CASKIN2: variants seen among roughly 807,000 people sequenced by gnomAD.
CASKIN2 encodes caskin-2.
Under a neutral mutation model 107.1 loss-of-function variants are expected in CASKIN2, and 41 were observed. The observed-to-expected ratio is 0.38, with a 90% CI of 0.30 to 0.50. The LOEUF (loss-of-function observed/expected upper bound fraction) is 0.50. Among genes scored for constraint, CASKIN2 ranks in the 20% least tolerant of loss-of-function variants. The pLI, the probability that CASKIN2 is intolerant of heterozygous loss-of-function variation, is 0.92. For synonymous variants in CASKIN2, 724 were observed against 705.6 expected, an observed-to-expected ratio of 1.03 and a Z score of -0.41; for missense variants, 1,546 against 1,657.4, an observed-to-expected ratio of 0.93 and a Z score of 1.17.
chr17:75,502,751 G>A lies in CASKIN2; in HGVS notation c.2323C>T (p.Pro775Ser). 2 of 1,594,626 alleles carry A rather than the reference G, an allele frequency of 1.3e-6. No homozygotes were observed. Among genetic ancestry groups the A allele is most frequent in the South Asian group, 1.1e-5 (1 of 89,326 alleles). Residue 775 changes from proline (P) to serine (S), a missense_variant, in exon 18 of 20, where the codon CCC becomes TCC. Physicochemically the swap from Pro to Ser is moderately conservative, Grantham distance 74. This residue lies in a region of CASKIN2 where 1,311 missense variants were observed against 1,311.0 expected (regional missense o/e 1.00). Transcript: ENST00000321617. This position sits in a 1 kb window ranked among gnomAD's most constrained non-coding sequence, Gnocchi z 4.3. ...SPAPGPPPGA[P>S]WAFSYLAGPP... ...CCGGCCAAGTAGGAGAAGGCCCAGG[G>A]TGCGCCAGGAGGTGGCCCTGGGGCC... is the stretch of plus-strand genomic sequence containing the variant.
In CASKIN2 at chr17:75,505,113, C is replaced by T. The variant is rs1225019917; in HGVS notation, c.931-40G>A. 1 of 1,599,670 alleles carries T rather than the reference C, an allele frequency of 6.3e-7. No homozygotes were observed. Among genetic ancestry groups the T allele is most frequent in the Non-Finnish European group, 8.5e-7 (1 of 1,175,736 alleles). ...GGGGGGCGGGGACGGTCACTCCCAG[C>T]ACCAGGCAAGTGGCAAACGGTTGTC... On this transcript the variant is annotated intron_variant, in intron 10 of 19. Transcript: ENST00000321617. The surrounding 1 kb of genome is among the most constrained non-coding windows in gnomAD (Gnocchi z 5.1).
rs752592034 is a variant in CASKIN2 at position 75,502,428 on chromosome 17, G to C, written c.2646C>G (p.Pro882=). 4.8e-6 allele frequency: 7 copies of C among 1,454,930 alleles called. No homozygotes were observed. In the East Asian group the frequency reaches 1.7e-4, roughly 36 times the overall value. 90.1% of individuals were successfully genotyped at this position (1,454,930 alleles called of 1,614,324 possible). ...CATCTAGTGGAGGTGGCTCCGGGCTGGGGCCAGAGACGGAGCTGAGGCGCT... is the reference window on the plus strand; with the variant it reads ...CATCTAGTGGAGGTGGCTCCGGGCTCGGGCCAGAGACGGAGCTGAGGCGCT... The part of the protein sequence containing the change: ...PPKRLSSVSG[P]SPEPPPLDES... The change falls in exon 18 of 20, where the codon CCC becomes CCG. Residue 882 remains proline (P), a synonymous_variant. Coordinates refer to ENST00000321617, the MANE Select transcript of CASKIN2 (RefSeq NM_020753.5). The surrounding 1 kb of genome is among the most constrained non-coding windows in gnomAD (Gnocchi z 4.3).
rs199526332 is a variant in CASKIN2 at position 75,502,696 on chromosome 17, C to T, written c.2378G>A (p.Arg793Gln). 118 of 1,580,098 alleles carry T rather than the reference C, an allele frequency of 7.5e-5. No individual in the cohort carries two copies. Among genetic ancestry groups the T allele is most frequent in the Non-Finnish European group, 9.2e-5 (107 of 1,165,516 alleles). ...TAGGCTGTGGGACCGGCGCTTAGGT[C>T]GAGGCGGGTCTGGGGGAGTGGCAGG... ...GPPATPPDPP[R>Q]PKRRSHSLSR... Residue 793 changes from arginine (R) to glutamine (Q), a missense_variant, in exon 18 of 20, where the codon CGA becomes CAA. Physicochemically the swap from Arg to Gln is conservative, Grantham distance 43. This residue lies in a region of CASKIN2 where 1,311 missense variants were observed against 1,311.0 expected (regional missense o/e 1.00). Transcript: ENST00000321617. The surrounding 1 kb of genome is among the most constrained non-coding windows in gnomAD (Gnocchi z 4.3).
chr17:75,503,202 C>T lies in CASKIN2; in HGVS notation c.1872G>A (p.Arg624=), dbSNP rs773796999. 3 of 1,597,136 alleles carry T rather than the reference C, an allele frequency of 1.9e-6. No homozygotes were observed. The Admixed American group carries it at 5.1e-5, about 27-fold the overall frequency. ...LGVKRLAELR[R]GLLQGEALSE... Reference sequence around the variant, plus strand: ...TGAGGGCCTCCCCCTGCAGCAGGCCCCGCCGAAGCTCCGCCAGCCGCTTCA... The same window carrying T: ...TGAGGGCCTCCCCCTGCAGCAGGCCTCGCCGAAGCTCCGCCAGCCGCTTCA... The change falls in exon 18 of 20, where the codon CGG becomes CGA. Residue 624 remains arginine, a synonymous_variant. Coordinates refer to ENST00000321617, the MANE Select transcript of CASKIN2 (RefSeq NM_020753.5).
Position 75,504,201 on chromosome 17 carries a change from CGTGGAG to C in CASKIN2, c.1467+8_1467+13del. 1 of 1,570,094 alleles carries C rather than the reference CGTGGAG, an allele frequency of 6.4e-7. No individual in the cohort carries two copies. Among genetic ancestry groups the C allele is most frequent in the South Asian group, 1.2e-5 (1 of 85,758 alleles). ...CCCCCCCGAGGCCCACGGTGCACCCCGTGGAGGTCACACCTTCCCCTCCAGCAGCTG... is the reference window on the plus strand; with the variant it reads ...CCCCCCCGAGGCCCACGGTGCACCCCGTCACACCTTCCCCTCCAGCAGCTG... On this transcript the variant is annotated splice_region_variant and intron_variant, in intron 14 of 19. Coordinates refer to ENST00000321617, the MANE Select transcript of CASKIN2 (RefSeq NM_020753.5).
Position 75,503,461 on chromosome 17 carries a change from C to T in CASKIN2, c.1747G>A (p.Gly583Ser), listed in dbSNP as rs775600592. 13 of 1,612,698 alleles carry T rather than the reference C, an allele frequency of 8.1e-6. No homozygotes were observed. The highest frequency in any genetic ancestry group is 2.2e-5 in the East Asian group (1 of 44,890). Residue 583 changes from glycine (G) to serine (S), a missense_variant, in exon 17 of 20, where the codon GGC (glycine) becomes AGC (serine). Physicochemically the swap from Gly to Ser is moderately conservative, Grantham distance 56 (BLOSUM62 0). This residue lies in a region of CASKIN2 where 1,311 missense variants were observed against 1,311.0 expected (regional missense o/e 1.00). Coordinates refer to ENST00000321617, the MANE Select transcript of CASKIN2 (RefSeq NM_020753.5). ...GCCACCAGCCCCATGGAGTCGTAGC[C>T]GCTGCTCACCAGCTGCTTGTGGTAC... ...PQYHKQLVSS[G>S]YDSMGLVADL...
At chr17:75,513,652 A>AACCC in intron 2 of CASKIN2, 59 bp downstream of exon 2, 1 of 976,024 alleles carries the variant, frequency 1.0e-6, no homozygotes, top group Non-Finnish European at 1.6e-6. Context: ...CCCACCCACC[A>AACCC]AGCCTCTGTG....
intron 14 of CASKIN2, 76 bp from the exon 15 acceptor site, chr17:75,504,038 T>A: frequency 7.3e-7 from 1 of 1,368,084 alleles, no homozygotes; most frequent in Non-Finnish European, 1.0e-6. Flanking sequence ...GCTCAGGACC[T>A]GCCTGAGCGG....
In CASKIN2 at chr17:75,505,568, C is replaced by A. The variant is rs2053256313; in HGVS notation, c.919G>T (p.Asp307Tyr). 3.1e-6 allele frequency: 5 copies of A among 1,613,552 alleles called. No individual in the cohort carries two copies. The highest frequency in any genetic ancestry group is 4.2e-6 in the Non-Finnish European group (5 of 1,179,970). ...DPTALNVRAG[D>Y]VITVLEQHPD... ...TTGGGGTCCCTCACCGTGATGACAT[C>A]CCCTGCCCGGACATTGAGAGCAGTG... The change falls in exon 10 of 20, where the codon GAT becomes TAT. Residue 307 changes from aspartate to tyrosine, a missense_variant. This residue lies in a region of CASKIN2 where 1,311 missense variants were observed against 1,311.0 expected (regional missense o/e 1.00). Transcript: ENST00000321617. This position sits in a 1 kb window ranked among gnomAD's most constrained non-coding sequence, Gnocchi z 5.1.
rs577731069 is a variant in CASKIN2 at position 75,501,379 on chromosome 17, C to T, written c.3518+89G>A. The T allele has an allele frequency of 6.2e-4, 892 of 1,439,564 alleles. 7 individuals are homozygous for T. In the South Asian group the frequency reaches 0.011, roughly 17 times the overall value. The allele number at this position is 1,439,564 out of a possible 1,614,324, so 89.2% of individuals were successfully genotyped here. On this transcript the variant is annotated intron_variant, in intron 19 of 19. Coordinates refer to ENST00000321617, the MANE Select transcript of CASKIN2 (RefSeq NM_020753.5). The stretch of plus-strand genomic sequence containing the variant: ...TCCCGTTAGTGCCTGCAATGTCCCC[C>T]TCCAACATCCCCATGATCCCTGGGC...
In CASKIN2 at chr17:75,503,082, G is replaced by A. The variant is rs758799370; in HGVS notation, c.1992C>T (p.Leu664=). 2 of 1,607,234 alleles carry A rather than the reference G, an allele frequency of 1.2e-6. No individual in the cohort carries two copies. The highest frequency in any genetic ancestry group is 1.7e-6 in the Non-Finnish European group (2 of 1,178,608). ...GEGPATAGPR[L]LTFQGSELSP... ...TTAGTTCGCTGCCCTGGAAGGTGAG[G>A]AGCCGTGGGCCAGCTGTAGCTGGGC... The change falls in exon 18 of 20, where the codon CTC becomes CTT. Residue 664 remains leucine, a synonymous_variant. Transcript: ENST00000321617.
At position 75,500,972 on chromosome 17, in the gene CASKIN2, C is replaced by T; in HGVS notation, c.*108G>A. ...GGAAGGGGCCCTGCTAGGAGGGGCACTTCAGCCTGACCAGCCCTTGGCCCG... is the reference window on the plus strand; with the variant it reads ...GGAAGGGGCCCTGCTAGGAGGGGCATTTCAGCCTGACCAGCCCTTGGCCCG... On this transcript the variant is annotated 3_prime_UTR_variant, in exon 20 of 20. Coordinates refer to ENST00000321617, the MANE Select transcript of CASKIN2 (RefSeq NM_020753.5). 1 of 1,110,904 alleles carries T rather than the reference C, an allele frequency of 9.0e-7. No homozygotes were observed. The highest frequency in any genetic ancestry group is 2.6e-5 in the East Asian group (1 of 38,728). 68.8% of individuals were successfully genotyped at this position (1,110,904 alleles called of 1,614,324 possible).
At chr17:75,501,193 G>A in intron 19 of CASKIN2, 23 bp from the exon 20 acceptor site, 1 of 1,559,488 alleles carries the variant, frequency 6.4e-7, no homozygotes. Context: ...GAAGGATGCG[G>A]TCAGATCAGC....
Position 75,502,377 on chromosome 17 carries a change from G to A in CASKIN2, c.2697C>T (p.Ala899=), listed in dbSNP as rs1296880940. 2.7e-6 allele frequency: 4 copies of A among 1,479,366 alleles called. No individual in the cohort carries two copies. The highest frequency in any genetic ancestry group is 3.6e-6 in the Non-Finnish European group (4 of 1,117,150). 91.6% of individuals were successfully genotyped at this position (1,479,366 alleles called of 1,614,324 possible). ...LDESPGPKEG[A]TGPRRRTLSE... ...TCAGTGTTCGCCTTCGGGGCCCTGTGGCCCCTTCCTTGGGCCCTGGGCTCT... is the reference window on the plus strand; with the variant it reads ...TCAGTGTTCGCCTTCGGGGCCCTGTAGCCCCTTCCTTGGGCCCTGGGCTCT... The change falls in exon 18 of 20, where the codon GCC becomes GCT. Residue 899 remains alanine, a synonymous_variant. Transcript: ENST00000321617. The surrounding 1 kb of genome is among the most constrained non-coding windows in gnomAD (Gnocchi z 4.3).
At chr17:75,503,816 G>A (rs757244589) in intron 15 of CASKIN2, 36 bp downstream of exon 15, 14 of 1,609,584 alleles carry the variant, frequency 8.7e-6, no homozygotes, top group East Asian at 2.2e-5. Flanking sequence ...GCCCTCCCCC[G>A]CCCGCTGGGT....
rs1416359472 is a variant in CASKIN2, at chr17:75,504,498, G to A, written c.1315-18C>T. ...GGCAGTGGCTGGAGGAGACAGGGCA[G>A]GAGCCAACTCAGCATTTGGGGAACT... is the stretch of plus-strand genomic sequence containing the variant. On this transcript the variant is annotated intron_variant, in intron 12 of 19. Transcript: ENST00000321617. 1 of 1,599,960 alleles carries A rather than the reference G, an allele frequency of 6.3e-7. No individual in the cohort carries two copies. Among genetic ancestry groups the A allele is most frequent in the East Asian group, 2.2e-5 (1 of 44,470 alleles).
Position 75,505,170 on chromosome 17 carries a change from G to T in CASKIN2, c.931-97C>A. On this transcript the variant is annotated intron_variant, in intron 10 of 19. Coordinates refer to ENST00000321617, the MANE Select transcript of CASKIN2 (RefSeq NM_020753.5). This position sits in a 1 kb window ranked among gnomAD's most constrained non-coding sequence, Gnocchi z 5.1. The stretch of plus-strand genomic sequence containing the variant: ...GCTGCGGTCCGGCAACCCTGGTCCA[G>T]CTCTTTCCCTACCCCTAAGGAGCTG... 7.4e-7 allele frequency: 1 copy of T among 1,342,946 alleles called. No homozygotes were observed. Among genetic ancestry groups the T allele is most frequent in the Non-Finnish European group, 1.0e-6 (1 of 959,358 alleles). 83.2% of individuals were successfully genotyped at this position (1,342,946 alleles called of 1,614,324 possible).
intron 2 of CASKIN2, among the ~76,000 whole-genome samples, chr17:75,512,792 C>T (rs1459879520): frequency 6.6e-6 from 1 of 150,934 alleles, no homozygotes; most frequent in Admixed American, 6.6e-5. Context: ...CCCAGCTACT[C>T]GGGAGGCTGA....
chr17:75,503,854 C>T lies in CASKIN2; in HGVS notation c.1576G>A (p.Glu526Lys). 1 of 1,612,666 alleles carries T rather than the reference C, an allele frequency of 6.2e-7. No individual in the cohort carries two copies. The highest frequency in any genetic ancestry group is 8.5e-7 in the Non-Finnish European group (1 of 1,179,886). Residue 526 changes from glutamate (E) to lysine (K), a missense_variant and splice_region_variant, in exon 15 of 20, where the codon GAG (glutamate) becomes AAG (lysine). By Grantham distance (56) the Glu-to-Lys change is moderately conservative (BLOSUM62 1). Coordinates refer to ENST00000321617, the MANE Select transcript of CASKIN2 (RefSeq NM_020753.5). ...DVPTISRMTP[E>K]DLTAIGVTKP... Reference sequence around the variant, plus strand: ...TGCTTCCCGGCTGCAGCACCCACCTCAGGTGTCATGCGGCTGATGGTAGGC... The same window carrying T: ...TGCTTCCCGGCTGCAGCACCCACCTTAGGTGTCATGCGGCTGATGGTAGGC...
Sources: allele counts gnomAD v4.1 joint callset (sites outside exome capture counted in the v4.1 genomes callset), GRCh38; gene constraint gnomAD v4.1.1; regional missense constraint gnomAD v4.1.1; non-coding constraint Gnocchi (gnomAD v3.1); transcripts MANE v1.5; gene names NCBI Gene and HGNC (gene_info 2026-07-23, HGNC 2026-07-21).